The following ADAMTS7 variants were observed in gnomAD, a reference collection of about 807,000 sequenced individuals.
The protein encoded by ADAMTS7 is A disintegrin and metalloproteinase with thrombospondin motifs 7.
ADAMTS7 carries 89 observed loss-of-function variants against 172.6 expected under a neutral mutation model. The observed-to-expected ratio is 0.52, with a 90% CI of 0.43 to 0.61. The LOEUF (loss-of-function observed/expected upper bound fraction) is 0.61. Among genes scored for constraint, ADAMTS7 ranks in the 20% least tolerant of loss-of-function variants. The pLI is 0.00. For synonymous variants in ADAMTS7, 885 were observed against 978.4 expected, an observed-to-expected ratio of 0.90 and a Z score of 1.78; for missense variants, 1,973 against 2,355.6, an observed-to-expected ratio of 0.84 and a Z score of 3.36.
intron 1 of ADAMTS7, among the ~76,000 whole-genome samples, chr15:78,803,316 C>T (rs1406577487): frequency 1.3e-5 from 2 of 152,132 alleles, no homozygotes; most frequent in African/African-American, 2.4e-5. Context: ...GTCATGATGG[C>T]GCCACTGCAC....
Position 78,776,536 on chromosome 15 carries a change from T to C in ADAMTS7, c.1561-203A>G. 3 of 841,386 alleles carry C rather than the reference T, an allele frequency of 3.6e-6. No homozygotes were observed. In the South Asian group the frequency reaches 5.3e-5, roughly 15 times the overall value. 52.1% of individuals were successfully genotyped at this position (841,386 alleles called of 1,614,324 possible). A position where few individuals can be genotyped will look rare whatever the true frequency, so the allele number is the denominator to read the frequency against. The stretch of plus-strand genomic sequence containing the variant: ...TGAGCGGGGAGTAAAACAGCCCACA[T>C]GCTGACTCAGCTGAAGACACCCTGG... On this transcript the variant is annotated intron_variant, in intron 10 of 23. Transcript: ENST00000388820.
At chr15:78,760,363 C>T (rs1361205602) in intron 23 of ADAMTS7, among the ~76,000 whole-genome samples, 1 of 152,186 alleles carries the variant, frequency 6.6e-6, no homozygotes. Flanking sequence ...CAGCTGCCAC[C>T]CGGGCCCTGC....
rs1428444259 is a variant in ADAMTS7, at chr15:78,776,315, A to G, written c.1579T>C (p.Cys527Arg). 2 of 1,611,504 alleles carry G rather than the reference A, an allele frequency of 1.2e-6. No individual in the cohort carries two copies. The highest frequency in any genetic ancestry group is 8.5e-7 in the Non-Finnish European group (1 of 1,179,718). Residue 527 changes from cysteine to arginine, a missense_variant, in exon 11 of 24, where the codon TGC (cysteine) becomes CGC (arginine). Cys to Arg is a radical substitution (Grantham distance 180). Around this residue, in one of 8 missense-constraint regions of ADAMTS7, gnomAD observed 526 missense variants for 662.9 expected, o/e 0.79. Transcript: ENST00000388820. Reference sequence around the variant, plus strand: ...TCGGGCCGGAAGCCCACGGGTACGCACTCCCCACTGAGACACCACTACTGA... The same window carrying G: ...TCGGGCCGGAAGCCCACGGGTACGCGCTCCCCACTGAGACACCACTACTGA... ...GENKWCLSGE[C>R]VPVGFRPEAV...
chr15:78,791,852 C>T (rs1042720421), intron 4 of ADAMTS7, among the ~76,000 whole-genome samples: 1 of 152,168 alleles, frequency 6.6e-6, no homozygotes, highest in African/African-American at 2.4e-5. Context: ...CCCATGGCTA[C>T]ATGGGGCTCC....
At chr15:78,801,277 G>C (rs2055722181) in intron 1 of ADAMTS7, among the ~76,000 whole-genome samples, 1 of 152,168 alleles carries the variant, frequency 6.6e-6, no homozygotes, top group East Asian at 1.9e-4. Context: ...CCCTAGGCAA[G>C]GTGACCTCTC....
intron 23 of ADAMTS7, among the ~76,000 whole-genome samples, chr15:78,760,414 C>T (rs2141465888): frequency 6.6e-6 from 1 of 152,120 alleles, no homozygotes; most frequent in Admixed American, 6.5e-5. Flanking sequence ...AGCAGGAAGG[C>T]AGCAGCCAGC....
chr15:78,767,120 T>C, intron 18 of ADAMTS7, 69 bp from the exon 19 acceptor site: 2 of 1,460,966 alleles, frequency 1.4e-6, no homozygotes, highest in Non-Finnish European at 1.8e-6. Flanking sequence ...GGGGCAAGGC[T>C]GGGTAACCTG....
At position 78,811,118 on chromosome 15, in the gene ADAMTS7, CA is replaced by C; in HGVS notation, c.100+2del. The C allele has an allele frequency of 8.1e-7, 1 of 1,229,860 alleles. No individual in the cohort carries two copies. Among genetic ancestry groups the C allele is most frequent in the Non-Finnish European group, 1.0e-6 (1 of 986,890 alleles). The allele number at this position is 1,229,860 out of a possible 1,614,324, so 76.2% of individuals were successfully genotyped here. ...GGCTGGCCGGGGAGGGGCGGACACC[CA>C]CCTGGTGCGGGTCCGGGGGCGCCGG... is the stretch of plus-strand genomic sequence containing the variant. On this transcript the variant is annotated splice_donor_variant, in intron 1 of 23. Transcript: ENST00000388820. LOFTEE classifies it high-confidence loss of function.
At chr15:78,801,494 C>T (rs2055725033) in intron 1 of ADAMTS7, among the ~76,000 whole-genome samples, 1 of 152,208 alleles carries the variant, frequency 6.6e-6, no homozygotes, top group African/African-American at 2.4e-5. Context: ...AATGAGGCCT[C>T]CTCTAACGAC....
In ADAMTS7 at chr15:78,770,904, T is replaced by C. The variant is rs112677804; in HGVS notation, c.2518+258A>G. On this transcript the variant is annotated intron_variant, in intron 16 of 23. Coordinates refer to ENST00000388820, the MANE Select transcript of ADAMTS7 (RefSeq NM_014272.5). Reference sequence around the variant, plus strand: ...TCTATCGAGGGGGAGCTGTGTCCCCTGGAGGGAGAACGCCAAGAGCTGGAG... The same window carrying C: ...TCTATCGAGGGGGAGCTGTGTCCCCCGGAGGGAGAACGCCAAGAGCTGGAG... 2.8e-5 allele frequency: 15 copies of C among 531,898 alleles called. No homozygotes were observed. The African/African-American group carries it at 2.8e-4, about 10-fold the overall frequency. The allele number at this position is 531,898 out of a possible 1,614,324, so 32.9% of individuals were successfully genotyped here. A position where few individuals can be genotyped will look rare whatever the true frequency, so the allele number is the denominator to read the frequency against.
chr15:78,760,101 A>G (rs1319527608), intron 23 of ADAMTS7, among the ~76,000 whole-genome samples: 2 of 151,068 alleles, frequency 1.3e-5, no homozygotes, highest in Non-Finnish European at 2.9e-5. Flanking sequence ...ACAGGGTCCC[A>G]TCTCCCAGGC....
intron 1 of ADAMTS7, among the ~76,000 whole-genome samples, chr15:78,806,121 CACACACA>C (rs1385597406): frequency 2.2e-4 from 5 of 22,640 alleles, no homozygotes; most frequent in African/African-American, 5.8e-4. Flanking sequence ...CACACACACA[CACACACA>C]AAAAAAAAAA....
intron 4 of ADAMTS7, among the ~76,000 whole-genome samples, chr15:78,796,348 C>T (rs2055642765): frequency 6.6e-6 from 1 of 152,130 alleles, no homozygotes; most frequent in Non-Finnish European, 1.5e-5. Context: ...GCTCCCCCTC[C>T]TAGTGGCATG....
At chr15:78,773,966 G>C (rs1426968861) in intron 13 of ADAMTS7, among the ~76,000 whole-genome samples, 3 of 152,180 alleles carry the variant, frequency 2.0e-5, no homozygotes, top group Non-Finnish European at 4.4e-5. Flanking sequence ...TGCCTTAGAG[G>C]TCATAGAGGG....
intron 1 of ADAMTS7, among the ~76,000 whole-genome samples, chr15:78,801,068 G>A (rs1240956198): frequency 6.6e-6 from 1 of 152,142 alleles, no homozygotes; most frequent in Non-Finnish European, 1.5e-5. Context: ...TTCTTAACAG[G>A]TCTCTCTGTT....
intron 17 of ADAMTS7, 79 bp downstream of exon 17, chr15:78,768,054 G>A (rs1214663088): frequency 2.9e-6 from 3 of 1,050,536 alleles, no homozygotes; most frequent in Admixed American, 2.1e-5. Flanking sequence ...GGGATGGGGT[G>A]GGGAGTTGGC....
Position 78,810,952 on chromosome 15 carries a change from G to GCCCGA in ADAMTS7, c.100+164_100+168dup, listed in dbSNP as rs948180534. On this transcript the variant is annotated intron_variant, in intron 1 of 23. Transcript: ENST00000388820. ...GAAGCGCGGCTTCGCTCCCGGCCCGGCCCGACCCCGACTACTGTCCCCTAA... is the reference window on the plus strand; with the variant it reads ...GAAGCGCGGCTTCGCTCCCGGCCCGGCCCGACCCGACCCCGACTACTGTCCCCTAA... 5 of 737,196 alleles carry GCCCGA rather than the reference G, an allele frequency of 6.8e-6. No individual in the cohort carries two copies. The African/African-American group carries it at 9.1e-5, about 13-fold the overall frequency. The allele number at this position is 737,196 out of a possible 1,614,324, so 45.7% of individuals were successfully genotyped here.
intron 8 of ADAMTS7, among the ~76,000 whole-genome samples, chr15:78,778,914 CAG>C (rs920553462): frequency 2.0e-5 from 3 of 152,096 alleles, no homozygotes; most frequent in African/African-American, 7.2e-5. Flanking sequence ...GGTCAGGAAA[CAG>C]GGCCAAGACC....
intron 1 of ADAMTS7, among the ~76,000 whole-genome samples, chr15:78,804,701 C>T (rs1216421943): frequency 6.6e-6 from 1 of 152,208 alleles, no homozygotes; most frequent in East Asian, 1.9e-4. Context: ...CCTCAAAGAG[C>T]TTTCTCTGAG....
Sources: gnomAD v4.1 joint callset for allele counts (sites outside exome capture counted in the v4.1 genomes callset) on GRCh38, gnomAD v4.1.1 for gene constraint, gnomAD v4.1.1 regional missense constraint, MANE v1.5 for transcripts, NCBI Gene and HGNC (gene_info 2026-07-23, HGNC 2026-07-21) for gene names.